The following NLRC5 variants were observed in gnomAD, a reference collection of about 807,000 sequenced individuals.
NLRC5 encodes protein NLRC5.
Under a neutral mutation model 206.9 loss-of-function variants are expected in NLRC5, and 114 were observed. The observed-to-expected ratio is 0.55, with a 90% CI of 0.47 to 0.64. The LOEUF (loss-of-function observed/expected upper bound fraction) is 0.64, where lower values mean the gene tolerates loss of function less well. Among genes scored for constraint, NLRC5 ranks in the 30% least tolerant of loss-of-function variants. The pLI is 0.00. For missense variants in NLRC5, 2,008 were observed against 2,305.5 expected (o/e 0.87, Z 2.64); for synonymous variants, 952 against 962.8 (o/e 0.99, Z 0.21).
intron 24 of NLRC5, among the ~76,000 whole-genome samples, chr16:57,053,453 T>C (rs1283636201): frequency 6.6e-6 from 1 of 152,132 alleles, no homozygotes; most frequent in African/African-American, 2.4e-5. Flanking sequence ...TTGGGTTGCA[T>C]GGGGCCTGGC....
chr16:57,018,897 G>A lies in NLRC5; in HGVS notation c.-13+1709G>A, dbSNP rs117532218. ...CCAATCCCCAACTGTTGGACATTTAGGTTGTTTCCAATTTTTAATAATTAT... is the reference window on the plus strand; with the variant it reads ...CCAATCCCCAACTGTTGGACATTTAAGTTGTTTCCAATTTTTAATAATTAT... On this transcript the variant is annotated intron_variant, in intron 2 of 48. Coordinates refer to ENST00000688547, the MANE Select transcript of NLRC5 (RefSeq NM_001384950.1). 2.3e-3 allele frequency among the ~76,000 whole-genome samples: 349 copies of A among 152,258 alleles called. 1 individual carries two copies. The East Asian group carries it at 0.027, about 12-fold the overall frequency.
intron 15 of NLRC5, among the ~76,000 whole-genome samples, chr16:57,039,570 A>T (rs984579711): frequency 2.9e-4 from 44 of 150,538 alleles, no homozygotes; most frequent in African/African-American, 5.9e-4. Context: ...TTTTTTAATT[A>T]GCTGGGCCTG....
chr16:57,028,241 A>G, intron 7 of NLRC5, 61 bp from the exon 8 acceptor site: 1 of 1,582,266 alleles, frequency 6.3e-7, no homozygotes, highest in South Asian at 1.1e-5. Flanking sequence ...CACAAGGCAG[A>G]TTCCTGGCCC....
chr16:57,062,286 A>G (rs984154122), intron 32 of NLRC5: 4 of 402,088 alleles, frequency 9.9e-6, no homozygotes, highest in Non-Finnish European at 1.9e-5. Context: ...TAAGAAACTC[A>G]GTTAGCGATT....
Position 57,026,352 on chromosome 16 carries a change from C to T in NLRC5, c.1409C>T (p.Thr470Ile), listed in dbSNP as rs139094752. Residue 470 changes from threonine to isoleucine, a missense_variant, in exon 6 of 49, where the codon ACA becomes ATA. Thr to Ile is a moderately conservative substitution (Grantham distance 89). Transcript: ENST00000688547. ...LGEVALRGLE[T>I]GKVIFYAKDI... ...GAGGTGGCCCTGAGGGGCCTGGAGACAGGGAAGGTTATCTTCTATGCAAAA... is the reference window on the plus strand; with the variant it reads ...GAGGTGGCCCTGAGGGGCCTGGAGATAGGGAAGGTTATCTTCTATGCAAAA... The T allele has an allele frequency of 7.7e-5, 124 of 1,613,836 alleles. No homozygotes were observed. The highest frequency in any genetic ancestry group is 1.0e-4 in the Non-Finnish European group (118 of 1,180,052).
chr16:57,061,106 T>G (rs765319794), intron 30 of NLRC5, among the ~76,000 whole-genome samples: 9 of 152,370 alleles, frequency 5.9e-5, no homozygotes, highest in Non-Finnish European at 1.3e-4. Context: ...GGTTAGTCAG[T>G]TTCCCCACCT....
chr16:57,064,282 G>A (rs1186234373), intron 32 of NLRC5, among the ~76,000 whole-genome samples: 2 of 151,990 alleles, frequency 1.3e-5, no homozygotes, highest in Non-Finnish European at 2.9e-5. Context: ...AGAAAATAGT[G>A]CTTTAAAAAT....
intron 20 of NLRC5, among the ~76,000 whole-genome samples, chr16:57,044,046 C>G (rs2063618277): frequency 6.6e-6 from 1 of 151,862 alleles, no homozygotes; most frequent in Non-Finnish European, 1.5e-5. Context: ...CGCCTGTAAT[C>G]CCAGCATTTT....
At chr16:57,043,416 C>A in intron 19 of NLRC5, 99 bp from the exon 20 acceptor site, 1 of 933,560 alleles carries the variant, frequency 1.1e-6, no homozygotes, top group Non-Finnish European at 1.8e-6. Flanking sequence ...GTTCCGTCAT[C>A]TGGAACCAGG....
chr16:57,061,397 A>G, intron 30 of NLRC5, 51 bp from the exon 31 acceptor site: 1 of 1,550,002 alleles, frequency 6.5e-7, no homozygotes, highest in Non-Finnish European at 8.8e-7. Context: ...GAAGCTGAGC[A>G]GCAGTGCCCA....
At chr16:57,035,625 C>T (rs2062456290) in intron 13 of NLRC5, among the ~76,000 whole-genome samples, 1 of 152,244 alleles carries the variant, frequency 6.6e-6, no homozygotes, top group African/African-American at 2.4e-5. Flanking sequence ...CCAGTTATTT[C>T]AGCAAGTAGC....
chr16:57,005,385 A>G (rs1231748671), intron 1 of NLRC5, among the ~76,000 whole-genome samples: 1 of 152,082 alleles, frequency 6.6e-6, no homozygotes, highest in African/African-American at 2.4e-5. Flanking sequence ...GGGGTCAGGC[A>G]TGGTGGCTCA....
chr16:57,043,853 C>T, intron 20 of NLRC5: 2 of 552,280 alleles, frequency 3.6e-6, no homozygotes, highest in Non-Finnish European at 6.5e-6. Context: ...ATTGACTCTG[C>T]CTCACTCGTT....
At chr16:57,044,045 T>A (rs2063617903) in intron 20 of NLRC5, among the ~76,000 whole-genome samples, 1 of 151,470 alleles carries the variant, frequency 6.6e-6, no homozygotes, top group Non-Finnish European at 1.5e-5. Flanking sequence ...ACGCCTGTAA[T>A]CCCAGCATTT....
intron 8 of NLRC5, among the ~76,000 whole-genome samples, chr16:57,029,183 T>G (rs2061540596): frequency 6.6e-6 from 1 of 152,240 alleles, no homozygotes; most frequent in African/African-American, 2.4e-5. Flanking sequence ...GTTGACATTT[T>G]TCTTCCCTGG....
chr16:57,069,805 G>A, intron 36 of NLRC5, 31 bp from the exon 37 acceptor site: 1 of 1,581,888 alleles, frequency 6.3e-7, no homozygotes, highest in Admixed American at 1.8e-5. Context: ...GGCGGCTCCT[G>A]CCTGACCTGT....
In NLRC5 at chr16:57,025,602, G is replaced by A. The variant is rs2061202762; in HGVS notation, c.659G>A (p.Gly220Asp). 1.2e-6 allele frequency: 2 copies of A among 1,614,062 alleles called. No individual in the cohort carries two copies. Among genetic ancestry groups the A allele is most frequent in the African/African-American group, 1.3e-5 (1 of 74,920 alleles). Reference protein sequence around the residue: ...SDLFNTRVNKGPRVTVLLGKA... With the variant: ...SDLFNTRVNKDPRVTVLLGKA... Reference sequence around the variant, plus strand: ...CTCTTCAACACCAGGGTTAACAAGGGCCCGAGGGTGACCGTGCTTTTGGGG... The same window carrying A: ...CTCTTCAACACCAGGGTTAACAAGGACCCGAGGGTGACCGTGCTTTTGGGG... The change falls in exon 6 of 49, where the codon GGC becomes GAC. Residue 220 changes from glycine to aspartate, a missense_variant. Transcript: ENST00000688547.
At chr16:57,061,371 T>G (rs2066457379) in intron 30 of NLRC5, 77 bp from the exon 31 acceptor site, 1 of 1,450,490 alleles carries the variant, frequency 6.9e-7, no homozygotes, top group Non-Finnish European at 9.5e-7. Flanking sequence ...CAATAGGCCC[T>G]CAGGGAGGCT....
chr16:57,001,593 CT>C (rs1196719495), intron 1 of NLRC5, among the ~76,000 whole-genome samples: 3 of 151,808 alleles, frequency 2.0e-5, no homozygotes, highest in South Asian at 4.2e-4. Context: ...TGGATTGAAC[CT>C]TTTTTTTATT....
Sources: allele counts gnomAD v4.1 joint callset (sites outside exome capture counted in the v4.1 genomes callset), GRCh38; gene constraint gnomAD v4.1.1; transcripts MANE v1.5; gene names NCBI Gene and HGNC (gene_info 2026-07-23, HGNC 2026-07-21).